Variants in SANBR observed in about 807,000 individuals in gnomAD.
SANBR encodes the protein SANT and BTB domain regulator of CSR.
SANBR carries 77 observed loss-of-function variants against 101.8 expected under a neutral mutation model. The ratio of observed to expected loss-of-function variants is 0.76; its 90% confidence interval spans 0.63 to 0.91. The LOEUF is 0.91. SANBR is among the 40% of genes least tolerant of loss of function. SANBR has a pLI of 0.00. For synonymous variants in SANBR, 279 were observed against 274.7 expected (o/e 1.02, Z -0.15); for missense variants, 875 against 853.0 (o/e 1.03, Z -0.32).
At chr2:61,088,078 A>G (rs1406821073) in intron 8 of SANBR, 81 bp from the exon 9 acceptor site, 1 of 699,954 alleles carries the variant, frequency 1.4e-6, no homozygotes, top group African/African-American at 1.8e-5. Context: ...CTTATTTTAC[A>G]AATGCACAGA....
Position 61,115,653 on chromosome 2 carries a change from G to A in SANBR, c.1745-326G>A, listed in dbSNP as rs78866622. The A allele has an allele frequency of 3.0e-3, 488 of 165,352 alleles. 17 individuals are homozygous for A. The East Asian group carries it at 0.07, about 24-fold the overall frequency. The allele number at this position is 165,352 out of a possible 1,614,324, so 10.2% of individuals were successfully genotyped here. A position where few individuals can be genotyped will look rare whatever the true frequency, so the allele number is the denominator to read the frequency against. On this transcript the variant is annotated intron_variant, in intron 16 of 21. Coordinates refer to ENST00000402291, the MANE Select transcript of SANBR (RefSeq NM_001129993.3). ...CTTTCTTACAGCTACTTGGGAGGCC[G>A]AGGCACGAGAATCGCTTAAACCGTT...
chr2:61,092,242 G>GTGTGTGTGTGGTGT (rs1682798840), intron 10 of SANBR, among the ~76,000 whole-genome samples: 2 of 152,080 alleles, frequency 1.3e-5, no homozygotes, highest in African/African-American at 4.8e-5. Context: ...AAATTAGCTG[G>GTGTGTGTGTGGTGT]GTGTGGTGGC....
intron 8 of SANBR, among the ~76,000 whole-genome samples, chr2:61,086,019 A>G (rs531292252): frequency 9.8e-5 from 15 of 152,336 alleles, no homozygotes; most frequent in Admixed American, 4.6e-4. Flanking sequence ...CTGTAGATCA[A>G]TTTAGGAAGA....
chr2:61,101,419 A>G (rs1209001889), intron 12 of SANBR, among the ~76,000 whole-genome samples: 4 of 152,160 alleles, frequency 2.6e-5, no homozygotes, highest in African/African-American at 9.7e-5. Context: ...AGCAAAATAT[A>G]TTTCTTTGTA....
chr2:61,081,773 C>T (rs561329353), intron 7 of SANBR, among the ~76,000 whole-genome samples: 3 of 152,230 alleles, frequency 2.0e-5, no homozygotes, highest in African/African-American at 7.2e-5. Context: ...CTCAGCCTCC[C>T]GAGTAGCTGG....
At chr2:61,125,468 G>A (rs969395687), downstream of SANBR, among the ~76,000 whole-genome samples, 1 of 152,192 alleles carries the variant, frequency 6.6e-6, no homozygotes, top group Non-Finnish European at 1.5e-5. Flanking sequence ...AGTGGCATTT[G>A]TAGAAAGAGC....
intron 2 of SANBR, among the ~76,000 whole-genome samples, chr2:61,069,355 C>G (rs1233145204): frequency 1.3e-5 from 2 of 152,098 alleles, no homozygotes; most frequent in African/African-American, 4.8e-5. Context: ...CCATCACCTA[C>G]TTGTGTTGCT....
chr2:61,066,500 T>C (rs1681172797), intron 1 of SANBR: 1 of 152,518 alleles, frequency 6.6e-6, no homozygotes, highest in South Asian at 2.1e-4. Context: ...GGGATGTGAT[T>C]TTACTTTCTC....
chr2:61,128,271 C>A (rs78659928), downstream of SANBR, among the ~76,000 whole-genome samples: 1,307 of 104,702 alleles, frequency 0.012, 16 homozygotes, highest in African/African-American at 0.037. Flanking sequence ...GACTCTGTCT[C>A]AAAAAAAAAA....
At chr2:61,129,815 C>T (rs1043093097) in intron 20 of SANBR, among the ~76,000 whole-genome samples, 2 of 151,390 alleles carry the variant, frequency 1.3e-5, no homozygotes, top group African/African-American at 4.9e-5. Context: ...TAGGCTAATG[C>T]AATAAAAGCT....
chr2:61,129,595 G>A (rs1261682522), intron 20 of SANBR, among the ~76,000 whole-genome samples: 1 of 151,968 alleles, frequency 6.6e-6, no homozygotes, highest in Non-Finnish European at 1.5e-5. Context: ...TTTTATTGTT[G>A]GGACTATACC....
intron 8 of SANBR, among the ~76,000 whole-genome samples, chr2:61,086,856 G>A (rs1260890921): frequency 6.6e-6 from 1 of 151,960 alleles, no homozygotes; most frequent in Non-Finnish European, 1.5e-5. Flanking sequence ...ATCCTTAAGG[G>A]GAACAACACA....
intron 8 of SANBR, 75 bp from the exon 9 acceptor site, chr2:61,088,084 A>G (rs778597583): frequency 1.4e-6 from 1 of 735,642 alleles, no homozygotes; most frequent in Non-Finnish European, 2.2e-6. Flanking sequence ...TTACAAATGC[A>G]CAGATTGGTT....
intron 20 of SANBR, among the ~76,000 whole-genome samples, chr2:61,120,092 C>T (rs2104970037): frequency 6.6e-6 from 1 of 152,282 alleles, no homozygotes; most frequent in African/African-American, 2.4e-5. Context: ...TAGACATTCC[C>T]TCACCATACA....
intron 10 of SANBR, chr2:61,088,901 C>CAGAAAAG: frequency 1.1e-6 from 1 of 899,808 alleles, no homozygotes; most frequent in Non-Finnish European, 1.3e-6. Flanking sequence ...ATCTTTTCTG[C>CAGAAAAG]ATGTTATCCA....
intron 13 of SANBR, among the ~76,000 whole-genome samples, chr2:61,104,299 A>T (rs955517864): frequency 1.3e-5 from 2 of 151,936 alleles, no homozygotes; most frequent in East Asian, 3.9e-4. Flanking sequence ...TGGCTAACAC[A>T]GTGAAACCCC....
chr2:61,084,088 G>A (rs1158720846), intron 8 of SANBR, among the ~76,000 whole-genome samples: 1 of 151,864 alleles, frequency 6.6e-6, no homozygotes, highest in African/African-American at 2.4e-5. Flanking sequence ...CAAGTAGCTG[G>A]AACCACAGGC....
At chr2:61,121,323 ATT>A in intron 21 of SANBR, 47 bp downstream of exon 21, 2 of 1,268,124 alleles carry the variant, frequency 1.6e-6, no homozygotes, top group Non-Finnish European at 1.1e-6. Context: ...TTTGAAGTGA[ATT>A]TTTTTTTTAA....
At chr2:61,134,373 C>A in intron 21 of SANBR, 1 of 1,201,386 alleles carries the variant, frequency 8.3e-7, no homozygotes, top group Non-Finnish European at 1.1e-6. Context: ...GCTTGGCTCA[C>A]GTTATTCCCC....
Sources: gnomAD v4.1 joint callset for allele counts (sites outside exome capture counted in the v4.1 genomes callset) on GRCh38, gnomAD v4.1.1 for gene constraint, MANE v1.5 for transcripts, NCBI Gene and HGNC (gene_info 2026-07-23, HGNC 2026-07-21) for gene names.